Variants in CSNK2A2IP observed in about 807,000 individuals in gnomAD.
The protein encoded by CSNK2A2IP is casein kinase II subunit alpha'-interacting protein.
At chr3:88,347,230 C>T in the CSNK2A2IP span, among the ~76,000 whole-genome samples, 1 of 151,922 alleles carries the variant, frequency 6.6e-6, no homozygotes, top group Non-Finnish European at 1.5e-5. Context: ...AGGAACATGG[C>T]TGAAAGGACA....
chr3:88,429,928 T>A, the CSNK2A2IP span, among the ~76,000 whole-genome samples: 1 of 151,486 alleles, frequency 6.6e-6, no homozygotes, highest in South Asian at 2.1e-4. Context: ...AATTTTTTTT[T>A]TTTTTTGTAT....
At chr3:88,392,876 C>T in the CSNK2A2IP span, among the ~76,000 whole-genome samples, 1 of 152,040 alleles carries the variant, frequency 6.6e-6, no homozygotes, top group South Asian at 2.1e-4. Context: ...TATGAACACA[C>T]TTTAAAGCAG....
chr3:88,449,516 T>A, the CSNK2A2IP span, among the ~76,000 whole-genome samples: 4 of 151,896 alleles, frequency 2.6e-5, no homozygotes, highest in African/African-American at 4.8e-5. Flanking sequence ...ATGAAAAAAA[T>A]TCTTTATTCT....
At chr3:88,383,000 T>C in the CSNK2A2IP span, among the ~76,000 whole-genome samples, 1 of 152,210 alleles carries the variant, frequency 6.6e-6, no homozygotes, top group Non-Finnish European at 1.5e-5. Context: ...GTTAACTCTG[T>C]GGCATTGTAA....
At chr3:88,444,261 CA>C in the CSNK2A2IP span, among the ~76,000 whole-genome samples, 43,776 of 151,710 alleles carry the variant, frequency 0.29, 7,970 homozygotes, top group South Asian at 0.41. Context: ...ATAAAGGGTA[CA>C]AAAATTACAT....
chr3:88,466,692 G>C, the CSNK2A2IP span: 3 of 1,165,576 alleles, frequency 2.6e-6, no homozygotes, highest in South Asian at 8.7e-5. Context: ...CCAGAATACA[G>C]AGGGATCTCT....
the CSNK2A2IP span, among the ~76,000 whole-genome samples, chr3:88,370,507 G>A: frequency 3.3e-5 from 5 of 151,548 alleles, no homozygotes; most frequent in South Asian, 1.0e-3. Context: ...TCACACATGA[G>A]AACCCTCCCT....
chr3:88,350,165 CTCTT>C, the CSNK2A2IP span, among the ~76,000 whole-genome samples: 1 of 152,114 alleles, frequency 6.6e-6, no homozygotes, highest in Non-Finnish European at 1.5e-5. Context: ...TCTCCCCATG[CTCTT>C]TCTTCAGCCA....
the CSNK2A2IP span, among the ~76,000 whole-genome samples, chr3:88,457,244 AAT>A: frequency 1.3e-5 from 2 of 152,090 alleles, no homozygotes; most frequent in African/African-American, 2.4e-5. Context: ...TATTTTGTCA[AAT>A]TTGGTCTTGT....
At chr3:88,378,842 T>C in the CSNK2A2IP span, among the ~76,000 whole-genome samples, 1 of 152,072 alleles carries the variant, frequency 6.6e-6, no homozygotes, top group African/African-American at 2.4e-5. Flanking sequence ...ATATGTGTTA[T>C]GTAACTGAAT....
the CSNK2A2IP span, among the ~76,000 whole-genome samples, chr3:88,446,551 C>T: frequency 6.6e-6 from 1 of 152,174 alleles, no homozygotes. Context: ...TTAGTTACTG[C>T]CACAGTGAAT....
the CSNK2A2IP span, among the ~76,000 whole-genome samples, chr3:88,442,657 CA>C: frequency 6.6e-6 from 1 of 151,886 alleles, no homozygotes; most frequent in African/African-American, 2.4e-5. Context: ...CCTTATTTTA[CA>C]GATAAGGAAA....
At chr3:88,436,266 A>AT in the CSNK2A2IP span, among the ~76,000 whole-genome samples, 8 of 152,076 alleles carry the variant, frequency 5.3e-5, no homozygotes, top group South Asian at 2.1e-4. Flanking sequence ...AGGTTAATCA[A>AT]TTTTTTTGCA....
At chr3:88,426,341 C>T in the CSNK2A2IP span, among the ~76,000 whole-genome samples, 2 of 152,144 alleles carry the variant, frequency 1.3e-5, no homozygotes, top group African/African-American at 4.8e-5. Flanking sequence ...ACTCCATAGC[C>T]TTTGGAGTTA....
the CSNK2A2IP span, among the ~76,000 whole-genome samples, chr3:88,376,696 T>C: frequency 2.0e-5 from 3 of 151,832 alleles, no homozygotes; most frequent in African/African-American, 7.2e-5. Context: ...CATGCTATCA[T>C]AGTTTCCCTC....
At chr3:88,359,167 T>C in the CSNK2A2IP span, among the ~76,000 whole-genome samples, 10 of 151,918 alleles carry the variant, frequency 6.6e-5, no homozygotes, top group African/African-American at 2.4e-4. Context: ...CCTAGTTTAT[T>C]GGCATATAGT....
the CSNK2A2IP span, among the ~76,000 whole-genome samples, chr3:88,380,828 T>A: frequency 3.0e-4 from 45 of 152,158 alleles, no homozygotes; most frequent in African/African-American, 1.0e-3. Context: ...AATGATAAAG[T>A]TTTTAGGAGG....
At chr3:88,424,281 T>C in the CSNK2A2IP span, among the ~76,000 whole-genome samples, 1 of 152,212 alleles carries the variant, frequency 6.6e-6, no homozygotes, top group Non-Finnish European at 1.5e-5. Context: ...GGCCTATGTA[T>C]TCATGTGATA....
the CSNK2A2IP span, among the ~76,000 whole-genome samples, chr3:88,417,919 A>G: frequency 1.3e-5 from 2 of 152,228 alleles, no homozygotes; most frequent in South Asian, 2.1e-4. Flanking sequence ...CATTTCTGGT[A>G]GAGCAAGATC....
Sources: gnomAD v4.1 joint callset for allele counts (sites outside exome capture counted in the v4.1 genomes callset) on GRCh38, gnomAD v4.1.1 for gene constraint, MANE v1.5 for transcripts, NCBI Gene and HGNC (gene_info 2026-07-23, HGNC 2026-07-21) for gene names.